IL7: variants seen among roughly 807,000 people sequenced by gnomAD.
The protein encoded by IL7 is interleukin-7.
Under a neutral mutation model 21.6 loss-of-function variants are expected in IL7, and 3 were observed. The observed-to-expected ratio is 0.14, with a 90% CI of 0.06 to 0.36. IL7 has a LOEUF of 0.36. Ranked by LOEUF, IL7 falls within the 10% of genes least tolerant of loss-of-function variation. The probability of loss-of-function intolerance (pLI) is 1.00; values close to 1 mark genes in which losing one functional copy is unlikely to be tolerated. For synonymous variants in IL7, 62 were observed against 68.1 expected, an observed-to-expected ratio of 0.91 and a Z score of 0.44; for missense variants, 175 against 200.2, an observed-to-expected ratio of 0.87 and a Z score of 0.76.
chr8:78,686,443 A>C, intron 3 of IL7: 1 of 1,310,194 alleles, frequency 7.6e-7, no homozygotes, highest in South Asian at 2.3e-5. Context: ...TTATTTATTT[A>C]TTTATTTATT....
At chr8:78,751,109 TAAAA>T (rs1486329333) in intron 2 of IL7, among the ~76,000 whole-genome samples, 1 of 139,380 alleles carries the variant, frequency 7.2e-6, no homozygotes, top group African/African-American at 2.7e-5. Context: ...AAAAAACTGA[TAAAA>T]AAGAACAGAA....
intron 2 of IL7, among the ~76,000 whole-genome samples, chr8:78,767,219 A>AGT (rs200713800): frequency 3.3e-5 from 5 of 150,940 alleles, no homozygotes; most frequent in African/African-American, 9.7e-5. Context: ...AGTGTGAGTG[A>AGT]GTGTGTGTGT....
intron 3 of IL7, among the ~76,000 whole-genome samples, chr8:78,722,670 T>C (rs1811262464): frequency 6.6e-6 from 1 of 151,996 alleles, no homozygotes; most frequent in Non-Finnish European, 1.5e-5. Context: ...TATCTCCATA[T>C]CTACAAAGAG....
chr8:78,769,352 CA>C (rs1812872985), intron 2 of IL7, among the ~76,000 whole-genome samples: 1 of 152,110 alleles, frequency 6.6e-6, no homozygotes, highest in African/African-American at 2.4e-5. Context: ...GATACAAAAT[CA>C]ATGTACAAAA....
intron 2 of IL7, among the ~76,000 whole-genome samples, chr8:78,746,644 A>G (rs902822282): frequency 1.3e-5 from 2 of 152,182 alleles, no homozygotes; most frequent in Non-Finnish European, 2.9e-5. Flanking sequence ...TAAAACTCCC[A>G]TACAGCTGCT....
At chr8:78,804,851 G>C in intron 1 of IL7, 62 bp downstream of exon 1, 6 of 1,604,560 alleles carry the variant, frequency 3.7e-6, no homozygotes, top group Non-Finnish European at 4.3e-6. Flanking sequence ...CCCCCAGCGC[G>C]TCTGGGATTG....
intron 2 of IL7, among the ~76,000 whole-genome samples, chr8:78,755,422 G>A (rs917295583): frequency 2.0e-5 from 3 of 151,752 alleles, no homozygotes; most frequent in Non-Finnish European, 4.4e-5. Context: ...TGTGTAGTAT[G>A]GTCATTTTAA....
At chr8:78,740,747 C>T (rs1811752770) in intron 2 of IL7, among the ~76,000 whole-genome samples, 1 of 152,138 alleles carries the variant, frequency 6.6e-6, no homozygotes, top group African/African-American at 2.4e-5. Flanking sequence ...GAAATTTGTT[C>T]ACAACATTTT....
At chr8:78,709,719 T>TAA (rs762270772) in intron 3 of IL7, among the ~76,000 whole-genome samples, 3 of 130,496 alleles carry the variant, frequency 2.3e-5, no homozygotes, top group African/African-American at 2.8e-5. Flanking sequence ...GCTGATGAAC[T>TAA]AAAAAAAAAA....
At chr8:78,678,763 A>G in intron 4 of IL7, 1 of 850,450 alleles carries the variant, frequency 1.2e-6, no homozygotes, top group Non-Finnish European at 1.8e-6. Context: ...AGTAAGGTTA[A>G]GAATAAACAC....
intron 3 of IL7, chr8:78,698,502 C>G: frequency 6.2e-7 from 1 of 1,607,906 alleles, no homozygotes; most frequent in East Asian, 2.2e-5. Context: ...GGATAGCAGC[C>G]CCTCATGCAG....
At chr8:78,737,388 A>G (rs1163923315) in intron 4 of IL7, among the ~76,000 whole-genome samples, 1 of 152,164 alleles carries the variant, frequency 6.6e-6, no homozygotes, top group Admixed American at 6.5e-5. Context: ...AAGAAATGGT[A>G]GACTAGAGTA....
At chr8:78,776,142 T>C (rs1397011641) in intron 2 of IL7, among the ~76,000 whole-genome samples, 1 of 152,086 alleles carries the variant, frequency 6.6e-6, no homozygotes, top group Non-Finnish European at 1.5e-5. Context: ...GACAATATTC[T>C]AGCATCACTA....
intron 4 of IL7, 57 bp from the exon 5 acceptor site, chr8:78,736,584 G>A: frequency 9.4e-7 from 1 of 1,058,602 alleles, no homozygotes; most frequent in Non-Finnish European, 1.4e-6. Context: ...TCCTCCAGTT[G>A]TTTGTAATTG....
At chr8:78,735,276 CT>C in intron 5 of IL7, among the ~76,000 whole-genome samples, 11 of 78,478 alleles carry the variant, frequency 1.4e-4, no homozygotes, top group South Asian at 5.3e-4. Context: ...CTTTTCTTTT[CT>C]TTTTTTTTTT....
chr8:78,780,328 GTTGACTA>G (rs574205801), intron 2 of IL7, among the ~76,000 whole-genome samples: 262 of 152,100 alleles, frequency 1.7e-3, no homozygotes, highest in Admixed American at 4.0e-3. Context: ...ATGTTAGGAT[GTTGACTA>G]GAGATCTTTC....
At chr8:78,768,843 A>G (rs1164509634) in intron 2 of IL7, among the ~76,000 whole-genome samples, 1 of 152,166 alleles carries the variant, frequency 6.6e-6, no homozygotes, top group Non-Finnish European at 1.5e-5. Context: ...ACCTTGATCA[A>G]GTGGGCTTCA....
intron 3 of IL7, chr8:78,698,399 C>T (rs1810500103): frequency 1.3e-6 from 2 of 1,594,088 alleles, no homozygotes; most frequent in South Asian, 1.1e-5. Flanking sequence ...AAAAATAATG[C>T]TTTTTTATTA....
chr8:78,706,600 G>C (rs930669434), intron 3 of IL7, among the ~76,000 whole-genome samples: 4 of 152,098 alleles, frequency 2.6e-5, no homozygotes, highest in African/African-American at 9.7e-5. Context: ...CTGTCATCCT[G>C]CCTCTCTTTT....
Sources: gnomAD v4.1 joint callset for allele counts (sites outside exome capture counted in the v4.1 genomes callset) on GRCh38, gnomAD v4.1.1 for gene constraint, MANE v1.5 for transcripts, NCBI Gene and HGNC (gene_info 2026-07-23, HGNC 2026-07-21) for gene names.